Variants in ST18 observed in about 807,000 individuals in gnomAD.
The protein encoded by ST18 is suppression of tumorigenicity 18 protein.
Under a neutral mutation model 110.0 loss-of-function variants are expected in ST18, and 50 were observed. The ratio of observed to expected loss-of-function variants is 0.45; its 90% CI spans 0.36 to 0.58. The LOEUF (loss-of-function observed/expected upper bound fraction) is 0.58. Among genes scored for constraint, ST18 ranks in the 20% least tolerant of loss-of-function variants. The pLI is 0.00. For missense variants in ST18, 1,306 were observed against 1,280.1 expected (o/e 1.02, Z -0.31); for synonymous variants, 461 against 452.4 (o/e 1.02, Z -0.24).
intron 2 of ST18, among the ~76,000 whole-genome samples, chr8:52,294,229 A>G (rs1455593232): frequency 6.6e-6 from 1 of 152,228 alleles, no homozygotes; most frequent in Non-Finnish European, 1.5e-5. Context: ...CCTGAATAAG[A>G]TGGGAAGTAT....
chr8:52,172,015 A>G lies in ST18; in HGVS notation c.846T>C (p.Asp282=), dbSNP rs75439564. ...QPSFPDVEEE[D]SESLAVMTEE... ...CCGTCATTACTGCCAGGCTCTCGCT[A>G]TCTTCCTCCTCAACGTCAGGGAATG... The change falls in exon 10 of 26, where the codon GAT becomes GAC. Residue 282 remains aspartate, a synonymous_variant. Coordinates refer to ENST00000689386, the MANE Select transcript of ST18 (RefSeq NM_001352837.2). 11,349 of 1,614,178 alleles carry G rather than the reference A, an allele frequency of 7.0e-3. 65 individuals carry two copies. The highest frequency in any genetic ancestry group is 7.3e-3 in the Non-Finnish European group (8,560 of 1,180,030).
At chr8:52,383,729 G>A (rs1272815799) in intron 2 of ST18, among the ~76,000 whole-genome samples, 2 of 150,860 alleles carry the variant, frequency 1.3e-5, no homozygotes, top group Non-Finnish European at 3.0e-5. Flanking sequence ...TTACAGGCGT[G>A]AGCCACCACA....
intron 9 of ST18, among the ~76,000 whole-genome samples, chr8:52,176,867 A>G (rs968456369): frequency 6.6e-6 from 1 of 152,204 alleles, no homozygotes; most frequent in Non-Finnish European, 1.5e-5. Flanking sequence ...GGTTACTTTT[A>G]TAGGTAAATT....
intron 24 of ST18, 77 bp from the exon 25 acceptor site, chr8:52,116,495 G>T: frequency 7.0e-7 from 1 of 1,425,552 alleles, no homozygotes. Context: ...GAAGGAAAAT[G>T]CACCAAGTGC....
At chr8:52,208,322 C>T (rs1450530408) in intron 8 of ST18, among the ~76,000 whole-genome samples, 1 of 152,166 alleles carries the variant, frequency 6.6e-6, no homozygotes, top group Non-Finnish European at 1.5e-5. Context: ...GGAAAACATG[C>T]CACATTTCCT....
chr8:52,263,365 G>C (rs1188732251), intron 2 of ST18, among the ~76,000 whole-genome samples: 1 of 152,062 alleles, frequency 6.6e-6, no homozygotes, highest in Non-Finnish European at 1.5e-5. Context: ...CATTGACATT[G>C]GAAGATTTTG....
chr8:52,169,515 A>G (rs966583548), intron 10 of ST18, among the ~76,000 whole-genome samples: 11 of 152,206 alleles, frequency 7.2e-5, no homozygotes, highest in African/African-American at 2.7e-4. Context: ...CTGGGGTAAA[A>G]TGAGATTTTA....
intron 2 of ST18, among the ~76,000 whole-genome samples, chr8:52,317,673 T>C (rs541636140): frequency 6.6e-6 from 1 of 152,340 alleles, no homozygotes; most frequent in African/African-American, 2.4e-5. Flanking sequence ...CAATAAAAGT[T>C]CTTAAAATGC....
chr8:52,389,794 C>T (rs1443345734), intron 2 of ST18, among the ~76,000 whole-genome samples: 1 of 152,120 alleles, frequency 6.6e-6, no homozygotes, highest in African/African-American at 2.4e-5. Context: ...AAGAGCCAGC[C>T]GGAGCCGAGG....
chr8:52,126,681 A>T (rs7006479), intron 22 of ST18, among the ~76,000 whole-genome samples: 44,367 of 152,076 alleles, frequency 0.29, 9,185 homozygotes, highest in African/African-American at 0.59. Flanking sequence ...AATGTTTTTA[A>T]TTTTTTTCTT....
intron 2 of ST18, among the ~76,000 whole-genome samples, chr8:52,239,101 T>C (rs1189853894): frequency 6.6e-6 from 1 of 152,128 alleles, no homozygotes; most frequent in Non-Finnish European, 1.5e-5. Flanking sequence ...AGATCACATA[T>C]TATGTAACTC....
At chr8:52,191,145 C>T (rs930188900) in intron 8 of ST18, among the ~76,000 whole-genome samples, 1 of 152,148 alleles carries the variant, frequency 6.6e-6, no homozygotes, top group Non-Finnish European at 1.5e-5. Flanking sequence ...GTTGCTTGGG[C>T]CATACAACCT....
At chr8:52,216,625 A>G (rs2084333087) in intron 6 of ST18, among the ~76,000 whole-genome samples, 1 of 152,148 alleles carries the variant, frequency 6.6e-6, no homozygotes, top group South Asian at 2.1e-4. Context: ...AACTGAAGGC[A>G]TATGTGTTTT....
At chr8:52,170,725 G>A (rs182984341) in intron 10 of ST18, among the ~76,000 whole-genome samples, 101 of 152,222 alleles carry the variant, frequency 6.6e-4, no homozygotes, top group African/African-American at 2.2e-3. Context: ...ACCCTTGCAG[G>A]ATGTTTGCAT....
At chr8:52,269,442 C>A (rs1334544642) in intron 2 of ST18, among the ~76,000 whole-genome samples, 1 of 152,158 alleles carries the variant, frequency 6.6e-6, no homozygotes, top group African/African-American at 2.4e-5. Flanking sequence ...TACATGAAGG[C>A]AAAATCTGTG....
chr8:52,195,476 T>C (rs1457887263), intron 8 of ST18, among the ~76,000 whole-genome samples: 1 of 152,036 alleles, frequency 6.6e-6, no homozygotes, highest in Non-Finnish European at 1.5e-5. Context: ...TAAACATAAA[T>C]TATCTTATTT....
At chr8:52,380,210 C>T (rs1833983877) in intron 2 of ST18, among the ~76,000 whole-genome samples, 1 of 152,150 alleles carries the variant, frequency 6.6e-6, no homozygotes, top group South Asian at 2.1e-4. Flanking sequence ...TCAGACAAAT[C>T]ATCTTGCAAA....
intron 6 of ST18, among the ~76,000 whole-genome samples, chr8:52,214,487 G>A (rs2083403591): frequency 6.6e-6 from 1 of 152,164 alleles, no homozygotes; most frequent in Admixed American, 6.5e-5. Flanking sequence ...GAGGGCAGAT[G>A]TCCTTGTCCA....
chr8:52,201,983 A>T lies in ST18; in HGVS notation c.86+10096T>A, dbSNP rs1309323666. On this transcript the variant is annotated intron_variant, in intron 8 of 25. Transcript: ENST00000689386. Reference sequence around the variant, plus strand: ...TATTGATTGCAGAAAAATGAATTAGAAACGATTAAACAGAGTAGGCTGATT... The same window carrying T: ...TATTGATTGCAGAAAAATGAATTAGTAACGATTAAACAGAGTAGGCTGATT... Among the ~76,000 whole-genome samples the T allele has an allele frequency of 2.0e-5, 3 of 152,230 alleles. No individual in the cohort carries two copies. In the East Asian group the frequency reaches 5.8e-4, roughly 29 times the overall value.
Sources: allele counts gnomAD v4.1 joint callset (sites outside exome capture counted in the v4.1 genomes callset), GRCh38; gene constraint gnomAD v4.1.1; transcripts MANE v1.5; gene names NCBI Gene and HGNC (gene_info 2026-07-23, HGNC 2026-07-21).